The following EFL1 variants were observed in gnomAD, a reference collection of about 807,000 sequenced individuals.
The protein encoded by EFL1 is elongation factor like GTPase 1.
Under a neutral mutation model 126.7 loss-of-function variants are expected in EFL1, and 76 were observed. That is an observed-to-expected ratio of 0.60 (90% CI 0.50 to 0.73). The LOEUF (loss-of-function observed/expected upper bound fraction) is 0.73. EFL1 is among the 30% of genes least tolerant of loss of function. The pLI is 0.00. For synonymous variants in EFL1, 410 were observed against 448.4 expected (o/e 0.91, Z 1.08); for missense variants, 1,128 against 1,343.2 (o/e 0.84, Z 2.50).
chr15:82,222,526 C>T (rs2074722482), intron 12 of EFL1, among the ~76,000 whole-genome samples: 1 of 152,182 alleles, frequency 6.6e-6, no homozygotes, highest in Non-Finnish European at 1.5e-5. Flanking sequence ...CTGGAATAAT[C>T]AGCATGTACA....
At chr15:82,238,782 G>A (rs556877288) in intron 6 of EFL1, among the ~76,000 whole-genome samples, 1 of 152,134 alleles carries the variant, frequency 6.6e-6, no homozygotes, top group African/African-American at 2.4e-5. Flanking sequence ...ATGTTAATGT[G>A]TCATATCCTT....
chr15:82,202,611 A>G (rs899084273), intron 15 of EFL1, among the ~76,000 whole-genome samples: 1 of 152,190 alleles, frequency 6.6e-6, no homozygotes, highest in African/African-American at 2.4e-5. Flanking sequence ...GAGGCAGAAG[A>G]GAGGATCAGA....
chr15:82,211,549 TACACACACAC>T (rs35812924), intron 15 of EFL1, among the ~76,000 whole-genome samples: 2 of 94,348 alleles, frequency 2.1e-5, no homozygotes, highest in East Asian at 2.6e-4. Flanking sequence ...AAAATCTATA[TACACACACAC>T]ACACACACAC....
At chr15:82,214,578 T>TAAG in intron 15 of EFL1, 139 bp downstream of exon 15, 1 of 1,013,918 alleles carries the variant, frequency 9.9e-7, no homozygotes, top group Admixed American at 2.9e-5. Flanking sequence ...TCCAATGTAC[T>TAAG]AAGTTAAAGA....
intron 15 of EFL1, among the ~76,000 whole-genome samples, chr15:82,209,290 T>C (rs1415214743): frequency 1.4e-5 from 2 of 146,306 alleles, no homozygotes; most frequent in East Asian, 2.0e-4. Flanking sequence ...TTACCCCACA[T>C]GACTAAGGAT....
At chr15:82,232,057 T>A (rs1566561) in intron 7 of EFL1, among the ~76,000 whole-genome samples, 21,338 of 152,214 alleles carry the variant, frequency 0.14, 1,701 homozygotes, top group South Asian at 0.38. Context: ...CTAGGCAGGC[T>A]GCAACCTGCC....
intron 16 of EFL1, among the ~76,000 whole-genome samples, chr15:82,161,696 T>C (rs1231614691): frequency 6.6e-6 from 1 of 152,246 alleles, no homozygotes; most frequent in Non-Finnish European, 1.5e-5. Context: ...ATAAATTTAA[T>C]GTAAACACAT....
chr15:82,221,435 C>T lies in EFL1; in HGVS notation c.1293-1206G>A, dbSNP rs561836649. Among the ~76,000 whole-genome samples, 51 of 152,272 alleles carry T rather than the reference C, an allele frequency of 3.3e-4. 1 individual carries two copies. The South Asian group carries it at 5.2e-3, about 15-fold the overall frequency. ...TAACTCCTTCTACCTTTCTATTTCACGTAAGCTAACCTGCAAGGTGACTGC... is the reference window on the plus strand; with the variant it reads ...TAACTCCTTCTACCTTTCTATTTCATGTAAGCTAACCTGCAAGGTGACTGC... On this transcript the variant is annotated intron_variant, in intron 12 of 19. Transcript: ENST00000268206.
At chr15:82,160,556 T>C (rs1014384565) in intron 16 of EFL1, among the ~76,000 whole-genome samples, 1 of 152,234 alleles carries the variant, frequency 6.6e-6, no homozygotes, top group African/African-American at 2.4e-5. Context: ...TTGATTTTCA[T>C]CTTAATTTTT....
At chr15:82,257,043 T>C (rs1030579044) in intron 3 of EFL1, among the ~76,000 whole-genome samples, 1 of 152,220 alleles carries the variant, frequency 6.6e-6, no homozygotes, top group Non-Finnish European at 1.5e-5. Context: ...TAAGTAGGAC[T>C]GAAATTATTC....
chr15:82,238,594 A>T (rs571703788), intron 6 of EFL1, 73 bp from the exon 7 acceptor site: 19 of 1,291,080 alleles, frequency 1.5e-5, no homozygotes, highest in South Asian at 1.3e-5. Flanking sequence ...AACACTGTTT[A>T]ACCTGTGTTA....
At chr15:82,187,469 T>A (rs2074315783) in intron 15 of EFL1, among the ~76,000 whole-genome samples, 1 of 152,208 alleles carries the variant, frequency 6.6e-6, no homozygotes, top group South Asian at 2.1e-4. Flanking sequence ...TGAGTTTTAG[T>A]TTATTTTGGT....
At position 82,151,612 on chromosome 15, in the gene EFL1, AT is replaced by A; in HGVS notation, c.2841del (p.Glu947AspfsTer15). ...GGTCCATAGCAGTCAGTGAGTGGAGATTCTCCTTTCTGTGATGTCCTCTTCT... is the reference window on the plus strand; with the variant it reads ...GGTCCATAGCAGTCAGTGAGTGGAGATCTCCTTTCTGTGATGTCCTCTTCT... ...AFEKRTSQKG[E>X]SPLTDCYGPF... On this transcript the variant is annotated frameshift_variant, in exon 18 of 20. Coordinates refer to ENST00000268206, the MANE Select transcript of EFL1 (RefSeq NM_024580.6). LOFTEE classifies it high-confidence loss of function. The A allele has an allele frequency of 6.2e-7, 1 of 1,614,036 alleles. No homozygotes were observed. Among genetic ancestry groups the A allele is most frequent in the Non-Finnish European group, 8.5e-7 (1 of 1,179,992 alleles).
intron 15 of EFL1, among the ~76,000 whole-genome samples, chr15:82,166,221 T>C (rs562836839): frequency 1.3e-5 from 2 of 152,358 alleles, no homozygotes; most frequent in Admixed American, 1.3e-4. Flanking sequence ...TTCCTCTGTA[T>C]TACCAGGGAT....
At position 82,154,213 on chromosome 15, in the gene EFL1, G is replaced by A. The variant is rs554273471; in HGVS notation, c.2031-1790C>T. Among the ~76,000 whole-genome samples the A allele has an allele frequency of 5.3e-5, 8 of 152,182 alleles. No individual in the cohort carries two copies. The East Asian group carries it at 1.5e-3, about 29-fold the overall frequency. ...AGGTTCTTTAAGTCCTAGCAATGCA[G>A]AGCCTGTGATGACACTAAAAAAAGT... On this transcript the variant is annotated intron_variant, in intron 17 of 19. Coordinates refer to ENST00000268206, the MANE Select transcript of EFL1 (RefSeq NM_024580.6).
intron 15 of EFL1, among the ~76,000 whole-genome samples, chr15:82,206,414 CAT>C (rs1431137529): frequency 6.6e-6 from 1 of 151,908 alleles, no homozygotes; most frequent in Non-Finnish European, 1.5e-5. Flanking sequence ...AATATGGAAA[CAT>C]ATTAAATAAC....
intron 19 of EFL1, among the ~76,000 whole-genome samples, chr15:82,135,273 A>G (rs1331905864): frequency 2.6e-5 from 4 of 151,842 alleles, no homozygotes; most frequent in Admixed American, 2.0e-4. Context: ...TAAAAAAAGT[A>G]TTACATGTAT....
At chr15:82,153,596 T>C (rs1383761724) in intron 17 of EFL1, among the ~76,000 whole-genome samples, 2 of 152,218 alleles carry the variant, frequency 1.3e-5, no homozygotes, top group African/African-American at 2.4e-5. Context: ...CCAAATAGTC[T>C]GTAAGTGAAG....
intron 19 of EFL1, among the ~76,000 whole-genome samples, chr15:82,131,986 C>T (rs986283337): frequency 1.3e-5 from 2 of 151,938 alleles, no homozygotes; most frequent in Non-Finnish European, 2.9e-5. Context: ...AGTTCTAAAA[C>T]CAAAAAACAG....
Sources: allele counts gnomAD v4.1 joint callset (sites outside exome capture counted in the v4.1 genomes callset), GRCh38; gene constraint gnomAD v4.1.1; transcripts MANE v1.5; gene names NCBI Gene and HGNC (gene_info 2026-07-23, HGNC 2026-07-21).